The following ITGA11 variants were observed in gnomAD, a reference collection of about 807,000 sequenced individuals.
The protein encoded by ITGA11 is integrin alpha-11.
ITGA11 carries 97 observed loss-of-function variants against 141.9 expected under a neutral mutation model. The observed-to-expected ratio is 0.68, with a 90% CI of 0.58 to 0.81. The LOEUF is 0.81. Among genes scored for constraint, ITGA11 ranks in the 30% least tolerant of loss-of-function variants. The probability of loss-of-function intolerance (pLI) is 0.00; values close to 1 mark genes in which losing one functional copy is unlikely to be tolerated. For missense variants in ITGA11, 1,387 were observed against 1,559.2 expected (o/e 0.89, Z 1.86); for synonymous variants, 658 against 624.6 (o/e 1.05, Z -0.80).
At chr15:68,391,788 G>C (rs1309866213) in intron 2 of ITGA11, among the ~76,000 whole-genome samples, 2 of 152,172 alleles carry the variant, frequency 1.3e-5, no homozygotes, top group Non-Finnish European at 2.9e-5. Flanking sequence ...TCCCTAACTG[G>C]TCTGTGACTT....
chr15:68,393,878 CAT>C (rs1329988966), intron 2 of ITGA11, among the ~76,000 whole-genome samples: 1 of 152,118 alleles, frequency 6.6e-6, no homozygotes, highest in Non-Finnish European at 1.5e-5. Context: ...GAATTTATAA[CAT>C]GTGCAAAGGT....
At position 68,304,643 on chromosome 15, in the gene ITGA11, C is replaced by T. The variant is rs1893130988; in HGVS notation, c.3382-758G>A. ...TCTCCGCTGAATTCCAGGCTCACAC[C>T]GACTGTCTCCTGGCCTGCCTGGCAA... is the stretch of plus-strand genomic sequence containing the variant. On this transcript the variant is annotated intron_variant, in intron 28 of 29. Coordinates refer to ENST00000315757, the MANE Select transcript of ITGA11 (RefSeq NM_001004439.2). This position sits in a 1 kb window ranked among gnomAD's most constrained non-coding sequence, Gnocchi z 6.1. Among the ~76,000 whole-genome samples the T allele has an allele frequency of 2.0e-5, 3 of 152,296 alleles. No homozygotes were observed. Among genetic ancestry groups the T allele is most frequent in the Admixed American group, 6.5e-5 (1 of 15,296 alleles).
intron 6 of ITGA11, among the ~76,000 whole-genome samples, chr15:68,357,821 A>G (rs1895117213): frequency 1.3e-5 from 2 of 152,212 alleles, no homozygotes; most frequent in South Asian, 4.1e-4. Context: ...CACAGGGTTT[A>G]TTTGGCACAC....
In ITGA11 at chr15:68,297,642, A is replaced by C. The variant is rs1892938527; in HGVS notation, c.*5417T>G. Reference sequence around the variant, plus strand: ...TAATGGTTTTTTTTGTTTTTAAAGAAATAAATTTTCAGTTACTTCTTTTGG... The same window carrying C: ...TAATGGTTTTTTTTGTTTTTAAAGACATAAATTTTCAGTTACTTCTTTTGG... On this transcript the variant is annotated 3_prime_UTR_variant, in exon 30 of 30. Coordinates refer to ENST00000315757, the MANE Select transcript of ITGA11 (RefSeq NM_001004439.2). 6.6e-6 allele frequency: 1 copy of C among 152,066 alleles called. No homozygotes were observed. Among genetic ancestry groups the C allele is most frequent in the Non-Finnish European group, 1.5e-5 (1 of 68,010 alleles). 9.4% of individuals were successfully genotyped at this position (152,066 alleles called of 1,614,324 possible).
rs375348527 is a variant in ITGA11 at position 68,328,398 on chromosome 15, G to A, written c.1902-136C>T. The A allele has an allele frequency of 5.6e-6, 3 of 538,174 alleles. No homozygotes were observed. The highest frequency in any genetic ancestry group is 3.9e-5 in the African/African-American group (2 of 51,152). The allele number at this position is 538,174 out of a possible 1,614,324, so 33.3% of individuals were successfully genotyped here. A position where few individuals can be genotyped will look rare whatever the true frequency, so the allele number is the denominator to read the frequency against. ...AGGGGGTGAGGTGGAGGATGGAGGG[G>A]GCGAGGTGGAGGATGGAGGGGGCTT... On this transcript the variant is annotated intron_variant, in intron 15 of 29. Transcript: ENST00000315757. This position sits in a 1 kb window ranked among gnomAD's most constrained non-coding sequence, Gnocchi z 4.8.
intron 2 of ITGA11, among the ~76,000 whole-genome samples, chr15:68,379,496 A>G (rs971543857): frequency 6.6e-6 from 1 of 152,232 alleles, no homozygotes; most frequent in Non-Finnish European, 1.5e-5. Flanking sequence ...AGACAGATAG[A>G]GGAAGCTGCT....
chr15:68,335,852 C>T lies in ITGA11; in HGVS notation c.1277-7G>A. The T allele has an allele frequency of 1.2e-6, 2 of 1,611,442 alleles. No homozygotes were observed. The highest frequency in any genetic ancestry group is 1.7e-6 in the Non-Finnish European group (2 of 1,178,800). ...ACCGATGTGACTGTGTACCCTGCCA[C>T]AGGAGGAAACAGGCTGATCTTTGGC... On this transcript the variant is annotated splice_polypyrimidine_tract_variant and splice_region_variant and intron_variant, in intron 11 of 29. Coordinates refer to ENST00000315757, the MANE Select transcript of ITGA11 (RefSeq NM_001004439.2). The surrounding 1 kb of genome is among the most constrained non-coding windows in gnomAD (Gnocchi z 4.9).
chr15:68,365,855 T>A (rs1241852528), intron 3 of ITGA11, among the ~76,000 whole-genome samples: 1 of 151,906 alleles, frequency 6.6e-6, no homozygotes, highest in African/African-American at 2.4e-5. Flanking sequence ...AGGAATAATT[T>A]CTAAGGAGGC....
At chr15:68,430,032 A>G (rs779508135) in intron 1 of ITGA11, among the ~76,000 whole-genome samples, 30 of 152,306 alleles carry the variant, frequency 2.0e-4, no homozygotes, top group African/African-American at 2.6e-4. Context: ...GGCAGGACCC[A>G]GATTGCACAC....
chr15:68,363,225 A>G (rs955767027), intron 4 of ITGA11, among the ~76,000 whole-genome samples: 10 of 152,186 alleles, frequency 6.6e-5, no homozygotes, highest in African/African-American at 2.4e-4. Flanking sequence ...GAATCAATGA[A>G]CAGGTGACTA....
intron 22 of ITGA11, among the ~76,000 whole-genome samples, chr15:68,314,825 C>T (rs1022454957): frequency 6.6e-6 from 1 of 152,192 alleles, no homozygotes; most frequent in Non-Finnish European, 1.5e-5. Flanking sequence ...GTCCCCAGCG[C>T]TTATGTGACC....
intron 1 of ITGA11, among the ~76,000 whole-genome samples, chr15:68,426,718 GAAGA>G (rs1897151831): frequency 6.6e-6 from 1 of 152,100 alleles, no homozygotes; most frequent in African/African-American, 2.4e-5. Context: ...TCCATTTCCT[GAAGA>G]GAGTATGGTG....
chr15:68,339,426 G>A (rs945473870), intron 11 of ITGA11, 74 bp downstream of exon 11: 455 of 1,503,354 alleles, frequency 3.0e-4, no homozygotes, highest in Non-Finnish European at 4.0e-4. Flanking sequence ...TCGTGTGTGG[G>A]CTGGGGGTTG....
At chr15:68,367,646 C>T (rs1895464820) in intron 3 of ITGA11, among the ~76,000 whole-genome samples, 1 of 152,152 alleles carries the variant, frequency 6.6e-6, no homozygotes, top group African/African-American at 2.4e-5. Context: ...ATTACTGTCC[C>T]CTTCCTTGGC....
chr15:68,374,492 T>G (rs1161609801), intron 2 of ITGA11, among the ~76,000 whole-genome samples: 1 of 152,124 alleles, frequency 6.6e-6, no homozygotes, highest in Non-Finnish European at 1.5e-5. Context: ...GTGGCAGAGC[T>G]GGACTAGTAC....
Position 68,350,930 on chromosome 15 carries a change from G to A in ITGA11, c.895-148C>T, listed in dbSNP as rs924080519. ...TTCCTCGCAATGCCATTTGCATTTG[G>A]AATGGACTCTCTTTTAGGGGCAAGA... On this transcript the variant is annotated intron_variant, in intron 8 of 29. Coordinates refer to ENST00000315757, the MANE Select transcript of ITGA11 (RefSeq NM_001004439.2). The A allele has an allele frequency of 3.7e-6, 3 of 801,080 alleles. No homozygotes were observed. In the Admixed American group the frequency reaches 8.6e-5, roughly 23 times the overall value. 49.6% of individuals were successfully genotyped at this position (801,080 alleles called of 1,614,324 possible).
intron 24 of ITGA11, 65 bp downstream of exon 24, chr15:68,312,708 C>T (rs1893429318): frequency 1.7e-6 from 2 of 1,207,118 alleles, no homozygotes; most frequent in Non-Finnish European, 2.4e-6. Flanking sequence ...CACATTCCTC[C>T]CCTCCAGGAT....
At position 68,400,754 on chromosome 15, in the gene ITGA11, T is replaced by A. The variant is rs1198426420; in HGVS notation, c.164+2164A>T. Among the ~76,000 whole-genome samples, 5 of 18,738 alleles carry A rather than the reference T, an allele frequency of 2.7e-4. No homozygotes were observed. In the East Asian group the frequency reaches 0.035, roughly 131 times the overall value. The allele number at this position is 18,738 out of a possible 152,430, so 12.3% of individuals were successfully genotyped here. A position where few individuals can be genotyped will look rare whatever the true frequency, so the allele number is the denominator to read the frequency against. On this transcript the variant is annotated intron_variant, in intron 2 of 29. Transcript: ENST00000315757. ...AATATTATATATTATATAATAAATA[T>A]TATAATATTATATATTATATAATAA...
intron 10 of ITGA11, among the ~76,000 whole-genome samples, chr15:68,348,059 A>G (rs1894793461): frequency 6.6e-6 from 1 of 152,222 alleles, no homozygotes; most frequent in East Asian, 1.9e-4. Context: ...CCTGGGCAGG[A>G]CTTTACAGTA....
Sources: allele counts gnomAD v4.1 joint callset (sites outside exome capture counted in the v4.1 genomes callset), GRCh38; gene constraint gnomAD v4.1.1; non-coding constraint Gnocchi (gnomAD v3.1); transcripts MANE v1.5; gene names NCBI Gene and HGNC (gene_info 2026-07-23, HGNC 2026-07-21).